Variants in CADM2 observed in about 807,000 individuals in gnomAD.
The protein encoded by CADM2 is cell adhesion molecule 2.
A neutral mutation model predicts 49.8 loss-of-function variants in CADM2; 12 were observed. That is an observed-to-expected ratio of 0.24 (90% CI 0.15 to 0.39). CADM2 has a LOEUF of 0.39. CADM2 is among the 10% of genes least tolerant of loss of function. The pLI is 1.00. For synonymous variants in CADM2, 214 were observed against 175.4 expected (o/e 1.22, Z -1.74); for missense variants, 378 against 492.3 (o/e 0.77, Z 2.20).
intron 8 of CADM2, among the ~76,000 whole-genome samples, chr3:86,055,389 G>A (rs1737797510): frequency 6.7e-6 from 1 of 148,388 alleles, no homozygotes; most frequent in Non-Finnish European, 1.5e-5. Flanking sequence ...AGATAGTGTA[G>A]TGTATTCTCT....
chr3:85,167,254 A>C lies in CADM2; in HGVS notation c.61+207586A>C, dbSNP rs151252659. ...CTCCTATCATGCAGTAAGTGGAAAA[A>C]TCCCATAGAAATTTGAGTTAATATG... On this transcript the variant is annotated intron_variant, in intron 1 of 9. Coordinates refer to ENST00000383699, the MANE Select transcript of CADM2 (RefSeq NM_001167675.2). Among the ~76,000 whole-genome samples the C allele has an allele frequency of 4.6e-3, 700 of 152,138 alleles. 6 individuals are homozygous for C. The highest frequency in any genetic ancestry group is 0.015 in the African/African-American group (640 of 41,546).
In CADM2 at chr3:85,895,939, C is replaced by T. The variant is rs2108433644; in HGVS notation, c.529+9612C>T. 2.6e-5 allele frequency among the ~76,000 whole-genome samples: 4 copies of T among 152,154 alleles called. 1 individual carries two copies. In the South Asian group the frequency reaches 8.3e-4, roughly 32 times the overall value. Reference sequence around the variant, plus strand: ...TCTTTTTCTTTATAAATTACTCAGCCTTGGGGGTGTCTTTATTAGTAGTGT... The same window carrying T: ...TCTTTTTCTTTATAAATTACTCAGCTTTGGGGGTGTCTTTATTAGTAGTGT... On this transcript the variant is annotated intron_variant, in intron 5 of 9. Coordinates refer to ENST00000383699, the MANE Select transcript of CADM2 (RefSeq NM_001167675.2).
intron 7 of CADM2, among the ~76,000 whole-genome samples, chr3:85,959,395 C>T (rs556821770): frequency 2.6e-5 from 4 of 151,962 alleles, no homozygotes; most frequent in African/African-American, 7.2e-5. Context: ...TGATGATCAT[C>T]TAACCTTCAG....
chr3:85,679,976 C>G (rs1359542302), intron 1 of CADM2, among the ~76,000 whole-genome samples: 2 of 151,856 alleles, frequency 1.3e-5, no homozygotes, highest in African/African-American at 4.8e-5. Flanking sequence ...CATTTAATAC[C>G]AGGAGTGTCC....
chr3:85,571,519 AAG>A (rs2062476310), intron 1 of CADM2, among the ~76,000 whole-genome samples: 1 of 152,128 alleles, frequency 6.6e-6, no homozygotes, highest in Admixed American at 6.6e-5. Context: ...TGGATAAAAA[AAG>A]AAGTTTAAAA....
intron 2 of CADM2, among the ~76,000 whole-genome samples, chr3:85,757,360 A>T (rs916898892): frequency 2.6e-5 from 4 of 152,140 alleles, no homozygotes; most frequent in Non-Finnish European, 4.4e-5. Flanking sequence ...GGTTTAGAGA[A>T]ATAAAGAAAC....
At chr3:85,769,641 A>G (rs2069962687) in intron 2 of CADM2, among the ~76,000 whole-genome samples, 1 of 132,988 alleles carries the variant, frequency 7.5e-6, no homozygotes, top group African/African-American at 3.2e-5. Context: ...ATACACATAT[A>G]TACATATATA....
At chr3:86,022,962 A>G (rs566926041) in intron 8 of CADM2, among the ~76,000 whole-genome samples, 1 of 152,156 alleles carries the variant, frequency 6.6e-6, no homozygotes, top group East Asian at 1.9e-4. Context: ...CTTTTCATAT[A>G]CCTGCCCACT....
chr3:85,158,633 T>C lies in CADM2; in HGVS notation c.61+198965T>C, dbSNP rs574397326. On this transcript the variant is annotated intron_variant, in intron 1 of 9. Transcript: ENST00000383699. Reference sequence around the variant, plus strand: ...GCATATTCTGACTCATAGGTGGGAATTGAACAATGAGAACACATGGACACA... The same window carrying C: ...GCATATTCTGACTCATAGGTGGGAACTGAACAATGAGAACACATGGACACA... 2.0e-5 allele frequency among the ~76,000 whole-genome samples: 3 copies of C among 152,128 alleles called. No individual in the cohort carries two copies. In the South Asian group the frequency reaches 6.2e-4, roughly 32 times the overall value.
intron 1 of CADM2, among the ~76,000 whole-genome samples, chr3:85,061,640 C>T (rs576774594): frequency 1.3e-5 from 2 of 152,002 alleles, no homozygotes; most frequent in African/African-American, 4.8e-5. Flanking sequence ...TTGAATGTCA[C>T]CAAAGAGGGC....
At chr3:85,913,692 AG>A in intron 6 of CADM2, among the ~76,000 whole-genome samples, 2 of 152,306 alleles carry the variant, frequency 1.3e-5, no homozygotes, top group Admixed American at 1.3e-4. Flanking sequence ...TTTCTCTTAC[AG>A]CATCCATTCT....
At chr3:85,478,731 C>CT (rs1249616692) in intron 1 of CADM2, among the ~76,000 whole-genome samples, 1 of 151,744 alleles carries the variant, frequency 6.6e-6, no homozygotes, top group Non-Finnish European at 1.5e-5. Context: ...GAATTTTAGA[C>CT]TTAGCAAAGC....
chr3:84,985,740 G>A (rs540768225), intron 1 of CADM2, among the ~76,000 whole-genome samples: 3 of 152,182 alleles, frequency 2.0e-5, no homozygotes, highest in African/African-American at 7.2e-5. Context: ...CTTAATAAAA[G>A]CAGTTATCTT....
chr3:85,826,449 G>T (rs2073915933), intron 3 of CADM2, among the ~76,000 whole-genome samples: 1 of 152,002 alleles, frequency 6.6e-6, no homozygotes, highest in African/African-American at 2.4e-5. Context: ...GGTTTTTATA[G>T]TTGTTTTTCT....
At chr3:85,481,207 T>C (rs1038938111) in intron 1 of CADM2, among the ~76,000 whole-genome samples, 1 of 139,782 alleles carries the variant, frequency 7.2e-6, no homozygotes, top group African/African-American at 2.5e-5. Flanking sequence ...ATACACAGCA[T>C]ATACACAAAT....
At chr3:85,818,123 C>A (rs1470235784) in intron 3 of CADM2, among the ~76,000 whole-genome samples, 1 of 151,878 alleles carries the variant, frequency 6.6e-6, no homozygotes, top group South Asian at 2.1e-4. Context: ...AAAGCAAAGA[C>A]CCTGTGTTCT....
intron 1 of CADM2, among the ~76,000 whole-genome samples, chr3:85,143,048 C>G (rs987041896): frequency 1.3e-5 from 2 of 151,942 alleles, no homozygotes; most frequent in African/African-American, 2.4e-5. Context: ...CCAAATATGT[C>G]AAGAATTATT....
At chr3:85,960,106 T>A (rs1042679566) in intron 7 of CADM2, among the ~76,000 whole-genome samples, 9 of 151,914 alleles carry the variant, frequency 5.9e-5, no homozygotes, top group African/African-American at 2.2e-4. Context: ...AAGATCACAC[T>A]CTCCAAGTGT....
chr3:85,223,027 T>C (rs966312161), intron 1 of CADM2, among the ~76,000 whole-genome samples: 2 of 152,184 alleles, frequency 1.3e-5, no homozygotes, highest in African/African-American at 4.8e-5. Context: ...CTATTCTAGA[T>C]AGTAACTGTT....
Sources: gnomAD v4.1 joint callset for allele counts (sites outside exome capture counted in the v4.1 genomes callset) on GRCh38, gnomAD v4.1.1 for gene constraint, MANE v1.5 for transcripts, NCBI Gene and HGNC (gene_info 2026-07-23, HGNC 2026-07-21) for gene names.